The following SWI5 variants were observed in gnomAD, a reference collection of about 807,000 sequenced individuals.
The protein encoded by SWI5 is SWI5 homologous recombination repair protein, also known as DNA repair protein SWI5 homolog.
In SWI5, 12 loss-of-function variants were observed where a neutral mutation model predicts 17.0. The observed-to-expected ratio is 0.71, with a 90% CI of 0.45 to 1.14. The LOEUF (loss-of-function observed/expected upper bound fraction) is 1.14. Ranked by LOEUF, SWI5 falls within the 50% of genes most tolerant of loss-of-function variation. SWI5 has a pLI of 0.00. For synonymous variants in SWI5, 61 were observed against 64.0 expected (o/e 0.95, Z 0.22); for missense variants, 158 against 162.2 (o/e 0.97, Z 0.14).
chr9:128,276,062 T>C (rs1205275013), upstream of SWI5: 2 of 1,580,086 alleles, frequency 1.3e-6, no homozygotes, highest in Non-Finnish European at 8.6e-7. Flanking sequence ...ACCAGGGCGA[T>C]ACTGGAGCGC....
intron 2 of SWI5, among the ~76,000 whole-genome samples, chr9:128,277,847 T>C (rs1831456108): frequency 6.6e-6 from 1 of 152,192 alleles, no homozygotes; most frequent in South Asian, 2.1e-4. Context: ...ACTGGGCTGA[T>C]TGAGCTTCTC....
chr9:128,276,077 T>C, upstream of SWI5: 1 of 1,573,618 alleles, frequency 6.4e-7, no homozygotes, highest in Non-Finnish European at 8.6e-7. Flanking sequence ...GAGCGCAGAA[T>C]GGGGGCGTGG....
chr9:128,279,167 G>T (rs561473572), intron 2 of SWI5, among the ~76,000 whole-genome samples: 1 of 152,140 alleles, frequency 6.6e-6, no homozygotes, highest in Non-Finnish European at 1.5e-5. Context: ...TTCTGTGCCC[G>T]CTCGGCTGGC....
intron 2 of SWI5, chr9:128,278,737 G>A (rs193155215): frequency 2.3e-6 from 1 of 442,136 alleles, no homozygotes; most frequent in Admixed American, 3.1e-5. Flanking sequence ...CAGAGCTGGG[G>A]GCTTTAAACT....
chr9:128,281,004 G>A (rs554545572), intron 2 of SWI5, among the ~76,000 whole-genome samples: 10 of 138,612 alleles, frequency 7.2e-5, no homozygotes, highest in South Asian at 4.7e-4. Context: ...AAAAGGCTAC[G>A]TGTTCAATAC....
intron 2 of SWI5, among the ~76,000 whole-genome samples, chr9:128,278,406 A>C (rs574420835): frequency 6.8e-4 from 103 of 152,236 alleles, no homozygotes; most frequent in African/African-American, 2.5e-3. Flanking sequence ...ATCTCTACTA[A>C]AAATACAAAA....
chr9:128,278,407 A>T (rs987026815), intron 2 of SWI5, among the ~76,000 whole-genome samples: 2 of 152,110 alleles, frequency 1.3e-5, no homozygotes, highest in Non-Finnish European at 2.9e-5. Flanking sequence ...TCTCTACTAA[A>T]AATACAAAAA....
chr9:128,283,906 T>C (rs1831585776), intron 2 of SWI5, among the ~76,000 whole-genome samples: 1 of 151,232 alleles, frequency 6.6e-6, no homozygotes, highest in Non-Finnish European at 1.5e-5. Flanking sequence ...AGAGGATGGA[T>C]CACCTAAGCC....
intron 2 of SWI5, among the ~76,000 whole-genome samples, chr9:128,277,216 C>T (rs1018365028): frequency 4.6e-5 from 7 of 152,154 alleles, no homozygotes; most frequent in Non-Finnish European, 7.3e-5. Flanking sequence ...CTTCTCTCAT[C>T]CCCCAGATGG....
rs1185709357 is a variant in SWI5 at position 128,285,605 on chromosome 9, A to C, written c.234-334A>C. On this transcript the variant is annotated intron_variant, in intron 3 of 4. Transcript: ENST00000418976. The surrounding 1 kb of genome is among the most constrained non-coding windows in gnomAD (Gnocchi z 4.8). ...CATGGCAGAGACTGAGCTGCCTTTG[A>C]ATGTGCATTTCACACTTGAGGGAAT... 1.1e-4 allele frequency among the ~76,000 whole-genome samples: 16 copies of C among 152,188 alleles called. No individual in the cohort carries two copies. The highest frequency in any genetic ancestry group is 1.0e-3 in the Admixed American group (16 of 15,270).
chr9:128,276,379 G>A, exon 1 of SWI5: 2 of 1,613,152 alleles, frequency 1.2e-6, no homozygotes, highest in Non-Finnish European at 1.7e-6. Flanking sequence ...TGATCCGGGG[G>A]CCTCGGACCC....
upstream of SWI5, chr9:128,276,118 GA>G (rs1473824974): frequency 5.1e-6 from 8 of 1,568,068 alleles, no homozygotes; most frequent in African/African-American, 1.4e-5. Context: ...TGGTCAATGA[GA>G]AATATGAAGC....
Position 128,285,947 on chromosome 9 carries a change from G to A in SWI5, c.242G>A (p.Ser81Asn). 3 of 1,613,630 alleles carry A rather than the reference G, an allele frequency of 1.9e-6. No individual in the cohort carries two copies. Among genetic ancestry groups the A allele is most frequent in the Non-Finnish European group, 2.5e-6 (3 of 1,179,516 alleles). The change falls in exon 4 of 5, where the codon AGT (serine) becomes AAT (asparagine). Residue 81 changes from serine to asparagine, a missense_variant. Coordinates refer to ENST00000418976, the Ensembl canonical transcript of SWI5. The surrounding 1 kb of genome is among the most constrained non-coding windows in gnomAD (Gnocchi z 4.8). Reference sequence around the variant, plus strand: ...TCCATCGCTTATCCCAGAGGCTACAGTGTGGATGAACTGGAGGACCACATT... The same window carrying A: ...TCCATCGCTTATCCCAGAGGCTACAATGTGGATGAACTGGAGGACCACATT...
chr9:128,276,074 G>T (rs1831346169), upstream of SWI5: 2 of 1,573,788 alleles, frequency 1.3e-6, no homozygotes, highest in Admixed American at 2.0e-5. Context: ...CTGGAGCGCA[G>T]AATGGGGGCG....
chr9:128,281,440 C>T (rs1475900453), intron 2 of SWI5, among the ~76,000 whole-genome samples: 3 of 152,038 alleles, frequency 2.0e-5, no homozygotes, highest in Admixed American at 6.6e-5. Context: ...CACCTTTCTG[C>T]CAAGCTAAAG....
exon 5 of SWI5, chr9:128,288,857 T>C (rs2131427846): frequency 1.1e-6 from 1 of 887,536 alleles, no homozygotes; most frequent in South Asian, 1.6e-5. Context: ...CCAAGCCCAA[T>C]CAGGAGGAGG....
intron 2 of SWI5, chr9:128,278,588 T>C (rs772184230): frequency 1.1e-5 from 5 of 451,388 alleles, no homozygotes; most frequent in South Asian, 6.7e-5. Flanking sequence ...GGAGGCTCTA[T>C]TGAGCATTGT....
At chr9:128,276,807 G>T in intron 2 of SWI5, 52 bp downstream of exon 2, 1 of 1,540,944 alleles carries the variant, frequency 6.5e-7, no homozygotes. Flanking sequence ...CTTCCCTTGT[G>T]CGCTCCCGGC....
At chr9:128,288,394 C>T (rs184291961) in intron 4 of SWI5, among the ~76,000 whole-genome samples, 1 of 152,304 alleles carries the variant, frequency 6.6e-6, no homozygotes, top group Non-Finnish European at 1.5e-5. Context: ...CCAAGGAGTC[C>T]TTGTAGGTCC....
Sources: gnomAD v4.1 joint callset for allele counts (sites outside exome capture counted in the v4.1 genomes callset) on GRCh38, gnomAD v4.1.1 for gene constraint, Gnocchi (gnomAD v3.1) non-coding constraint, MANE v1.5 for transcripts, NCBI Gene and HGNC (gene_info 2026-07-23, HGNC 2026-07-21) for gene names.